Variants in KLF12 observed in about 807,000 individuals in gnomAD.
KLF12 encodes KLF transcription factor 12.
A neutral mutation model predicts 37.8 loss-of-function variants in KLF12; 9 were observed. That is an observed-to-expected ratio of 0.24 (90% CI 0.14 to 0.42). The LOEUF (loss-of-function observed/expected upper bound fraction) is 0.42. Among genes scored for constraint, KLF12 ranks in the 10% least tolerant of loss-of-function variants. KLF12 has a pLI of 1.00. For synonymous variants in KLF12, 208 were observed against 202.1 expected (o/e 1.03, Z -0.25); for missense variants, 411 against 516.0 (o/e 0.80, Z 1.97).
chr13:74,027,332 T>C (rs547845622), intron 1 of KLF12, among the ~76,000 whole-genome samples: 18 of 152,276 alleles, frequency 1.2e-4, no homozygotes, highest in African/African-American at 4.1e-4. Context: ...TCTCCCTTTT[T>C]TCATCATCTA....
chr13:73,965,797 G>A (rs1218656834), intron 2 of KLF12, among the ~76,000 whole-genome samples: 2 of 152,200 alleles, frequency 1.3e-5, no homozygotes, highest in Admixed American at 1.3e-4. Context: ...AGGTTATTAA[G>A]CCCCTATTAT....
intron 3 of KLF12, 79 bp from the exon 4 acceptor site, chr13:73,846,452 T>C: frequency 1.6e-6 from 2 of 1,258,282 alleles, no homozygotes; most frequent in Non-Finnish European, 1.1e-6. Context: ...CACTTGAACG[T>C]TTATTACTTT....
At chr13:74,239,128 C>G in the KLF12 span, among the ~76,000 whole-genome samples, 1 of 144,820 alleles carries the variant, frequency 6.9e-6, no homozygotes, top group Non-Finnish European at 1.5e-5. Context: ...CCCAGAGATT[C>G]TGGTATGTTG....
the KLF12 span, among the ~76,000 whole-genome samples, chr13:74,275,332 T>C: frequency 1.3e-5 from 2 of 152,210 alleles, no homozygotes; most frequent in African/African-American, 4.8e-5. Context: ...CGGGGAACCA[T>C]TGGAGGGTTT....
the KLF12 span, among the ~76,000 whole-genome samples, chr13:74,151,237 G>A: frequency 6.6e-6 from 1 of 152,150 alleles, no homozygotes; most frequent in Admixed American, 6.5e-5. Context: ...ATGAAGAAAT[G>A]TCATTTGGGG....
At chr13:74,212,092 G>A in the KLF12 span, among the ~76,000 whole-genome samples, 1 of 152,084 alleles carries the variant, frequency 6.6e-6, no homozygotes. Context: ...ACTGTACTGG[G>A]TTGGTATTAG....
At chr13:73,934,147 G>GT (rs1236592325) in intron 3 of KLF12, among the ~76,000 whole-genome samples, 8 of 152,002 alleles carry the variant, frequency 5.3e-5, no homozygotes, top group Admixed American at 1.3e-4. Context: ...TAAATTGAGG[G>GT]GTTTTTTTTT....
intron 3 of KLF12, among the ~76,000 whole-genome samples, chr13:73,870,138 A>G (rs1886394183): frequency 6.6e-6 from 1 of 152,154 alleles, no homozygotes; most frequent in Non-Finnish European, 1.5e-5. Flanking sequence ...AAGCTCCAAT[A>G]TAAATTCTCA....
At chr13:74,220,684 A>G in the KLF12 span, among the ~76,000 whole-genome samples, 4 of 152,148 alleles carry the variant, frequency 2.6e-5, no homozygotes, top group African/African-American at 4.8e-5. Context: ...GGTCTACCCA[A>G]CCCTAGCCCT....
chr13:73,775,966 C>T (rs1310978160), intron 5 of KLF12, among the ~76,000 whole-genome samples: 3 of 152,054 alleles, frequency 2.0e-5, no homozygotes, highest in Admixed American at 6.6e-5. Flanking sequence ...AATTTTACGT[C>T]GTTTGGTTCA....
the KLF12 span, among the ~76,000 whole-genome samples, chr13:74,196,753 T>C: frequency 6.6e-6 from 1 of 152,128 alleles, no homozygotes; most frequent in Non-Finnish European, 1.5e-5. Flanking sequence ...AAAATTCTCT[T>C]CAAGTTATAC....
At chr13:74,192,046 C>T in the KLF12 span, among the ~76,000 whole-genome samples, 2 of 151,992 alleles carry the variant, frequency 1.3e-5, no homozygotes, top group African/African-American at 4.8e-5. Context: ...CAGTCACATT[C>T]AAACTTATTG....
upstream of KLF12, among the ~76,000 whole-genome samples, chr13:74,136,228 G>C (rs1456255418): frequency 6.6e-6 from 1 of 152,212 alleles, no homozygotes; most frequent in Non-Finnish European, 1.5e-5. Context: ...GTGGGACTCG[G>C]GGGTGAGGGG....
chr13:74,182,634 G>A, the KLF12 span, among the ~76,000 whole-genome samples: 15 of 152,208 alleles, frequency 9.9e-5, no homozygotes, highest in African/African-American at 3.4e-4. Flanking sequence ...GTGTGCAGAA[G>A]AAAGAAGAGC....
At chr13:74,061,967 T>C (rs1873618628) in intron 1 of KLF12, among the ~76,000 whole-genome samples, 1 of 152,182 alleles carries the variant, frequency 6.6e-6, no homozygotes. Flanking sequence ...CTATACTACA[T>C]ACTTTGGTGG....
intron 6 of KLF12, among the ~76,000 whole-genome samples, chr13:73,716,982 A>G (rs11841443): frequency 5.3e-5 from 8 of 152,102 alleles, no homozygotes; most frequent in Non-Finnish European, 7.3e-5. Flanking sequence ...TTACAATTGA[A>G]GACATTTTAA....
chr13:73,768,308 T>C (rs1014583497), intron 5 of KLF12, among the ~76,000 whole-genome samples: 1 of 152,156 alleles, frequency 6.6e-6, no homozygotes, highest in African/African-American at 2.4e-5. Flanking sequence ...TCAATACATG[T>C]TAGCTATTGT....
At chr13:73,995,276 CAAGATCCTGGGCACTAAATAATT>C (rs1892077730) in intron 1 of KLF12, among the ~76,000 whole-genome samples, 2 of 151,944 alleles carry the variant, frequency 1.3e-5, no homozygotes, top group Non-Finnish European at 2.9e-5. Context: ...GACACTAGGA[CAAGATCCTGGGCACTAAATAATT>C]AAGACCTAGA....
intron 3 of KLF12, among the ~76,000 whole-genome samples, chr13:73,855,278 GC>G (rs2138755084): frequency 1.3e-5 from 2 of 152,180 alleles, no homozygotes; most frequent in African/African-American, 4.8e-5. Flanking sequence ...GTCTATAGTT[GC>G]CATCTTGGTG....
Sources: gnomAD v4.1 joint callset for allele counts (sites outside exome capture counted in the v4.1 genomes callset) on GRCh38, gnomAD v4.1.1 for gene constraint, MANE v1.5 for transcripts, NCBI Gene and HGNC (gene_info 2026-07-23, HGNC 2026-07-21) for gene names.